The following HPCAL4 variants were observed in gnomAD, a reference collection of about 807,000 sequenced individuals.
HPCAL4 encodes the protein hippocalcin-like protein 4.
HPCAL4 carries 16 observed loss-of-function variants against 18.2 expected under a neutral mutation model. The observed-to-expected ratio is 0.88, with a 90% CI of 0.59 to 1.33. The LOEUF is 1.33. Among genes scored for constraint, HPCAL4 ranks in the 40% most tolerant of loss-of-function variants. The probability of loss-of-function intolerance (pLI) is 0.00; values close to 1 mark genes in which losing one functional copy is unlikely to be tolerated. For synonymous variants in HPCAL4, 80 were observed against 97.5 expected, an observed-to-expected ratio of 0.82 and a Z score of 1.06; for missense variants, 214 against 256.6, an observed-to-expected ratio of 0.83 and a Z score of 1.14.
At position 39,683,924 on chromosome 1, in the gene HPCAL4, C is replaced by G; in HGVS notation, c.378+13G>C. On this transcript the variant is annotated intron_variant, in intron 3 of 3. Coordinates refer to ENST00000372844, the MANE Select transcript of HPCAL4 (RefSeq NM_016257.4). ...CTGGCCTCGGGAACAGCAGCGCCCG[C>G]GCGGCCCCGCACCTCGATGATCTCC... The G allele has an allele frequency of 1.3e-5, 21 of 1,609,570 alleles. No homozygotes were observed. Among genetic ancestry groups the G allele is most frequent in the Non-Finnish European group, 1.8e-5 (21 of 1,177,634 alleles).
In HPCAL4 at chr1:39,679,714, C is replaced by T. The variant is rs756018807; in HGVS notation, c.*2822G>A. ...TGCTCTACCACAGTGCTCCTGAGCA[C>T]ACAGTCCCTGGGACACCCAGGAGTA... On this transcript the variant is annotated 3_prime_UTR_variant, in exon 4 of 4. Transcript: ENST00000372844. The T allele has an allele frequency of 1.1e-4, 16 of 152,236 alleles. No homozygotes were observed. The highest frequency in any genetic ancestry group is 1.8e-4 in the Non-Finnish European group (12 of 68,046). The allele number at this position is 152,236 out of a possible 1,614,324, so 9.4% of individuals were successfully genotyped here.
chr1:39,682,825 G>A (rs935298435), intron 3 of HPCAL4, 92 bp from the exon 4 acceptor site: 2 of 937,984 alleles, frequency 2.1e-6, no homozygotes, highest in Admixed American at 1.9e-5. Flanking sequence ...GGAGAACACT[G>A]GGGGTTGGTG....
chr1:39,682,458 G>C lies in HPCAL4; in HGVS notation c.*78C>G. ...GGGGGCTGGAGTGTCCCTCCTCCTG[G>C]GAGGCCAGCCAGAGAGGTCATCAGG... On this transcript the variant is annotated 3_prime_UTR_variant, in exon 4 of 4. Transcript: ENST00000372844. The C allele has an allele frequency of 7.0e-7, 1 of 1,428,272 alleles. No individual in the cohort carries two copies. The highest frequency in any genetic ancestry group is 9.8e-7 in the Non-Finnish European group (1 of 1,022,796). 88.5% of individuals were successfully genotyped at this position (1,428,272 alleles called of 1,614,324 possible). A position where few individuals can be genotyped will look rare whatever the true frequency, so the allele number is the denominator to read the frequency against.
chr1:39,683,857 G>T, intron 3 of HPCAL4, 80 bp downstream of exon 3: 1 of 1,309,648 alleles, frequency 7.6e-7, no homozygotes, highest in Non-Finnish European at 1.1e-6. Flanking sequence ...AGGCCCCGAA[G>T]CCCGAGAGCA....
intron 1 of HPCAL4, among the ~76,000 whole-genome samples, chr1:39,690,815 G>A (rs913763133): frequency 6.6e-6 from 1 of 151,832 alleles, no homozygotes; most frequent in African/African-American, 2.4e-5. Flanking sequence ...AGGAGGGAGC[G>A]CTCTGTGGAG....
At chr1:39,684,682 C>G in intron 1 of HPCAL4, 71 bp from the exon 2 acceptor site, 1 of 1,361,448 alleles carries the variant, frequency 7.3e-7, no homozygotes, top group Non-Finnish European at 9.7e-7. Context: ...TGCCCCCTCC[C>G]CTGCCACACA....
intron 1 of HPCAL4, 64 bp downstream of exon 1, chr1:39,691,242 G>A (rs1646715872): frequency 6.6e-6 from 1 of 152,466 alleles, no homozygotes; most frequent in South Asian, 2.1e-4. Flanking sequence ...AGTGGAGGGG[G>A]AGGGGGCCAG....
At chr1:39,684,682 C>T (rs1238308921) in intron 1 of HPCAL4, 71 bp from the exon 2 acceptor site, 2 of 1,361,448 alleles carry the variant, frequency 1.5e-6, no homozygotes, top group Non-Finnish European at 1.9e-6. Context: ...TGCCCCCTCC[C>T]CTGCCACACA....
Position 39,684,008 on chromosome 1 carries a change from A to C in HPCAL4, c.307T>G (p.Trp103Gly). 1 of 1,613,998 alleles carries C rather than the reference A, an allele frequency of 6.2e-7. No individual in the cohort carries two copies. The highest frequency in any genetic ancestry group is 8.5e-7 in the Non-Finnish European group (1 of 1,179,908). The stretch of plus-strand genomic sequence containing the variant: ...TCCAGGTCGTACATCTCAAAGGCCC[A>C]GTTGAGCTTCTGCTCGAAGCTGCCG... ...SRGSFEQKLNWAFEMYDLDGD... is the reference protein window; with the variant it reads ...SRGSFEQKLNGAFEMYDLDGD... Residue 103 changes from tryptophan to glycine, a missense_variant, in exon 3 of 4, where the codon TGG becomes GGG. Trp to Gly is a radical substitution (Grantham distance 184). Coordinates refer to ENST00000372844, the MANE Select transcript of HPCAL4 (RefSeq NM_016257.4).
chr1:39,684,623 A>G lies in HPCAL4; in HGVS notation c.-8-12T>C, dbSNP rs755113728. The G allele has an allele frequency of 4.5e-6, 7 of 1,564,722 alleles. No homozygotes were observed. In the East Asian group the frequency reaches 1.6e-4, roughly 36 times the overall value. On this transcript the variant is annotated splice_polypyrimidine_tract_variant and intron_variant, in intron 1 of 3. Coordinates refer to ENST00000372844, the MANE Select transcript of HPCAL4 (RefSeq NM_016257.4). ...CCCCATGGCGGGGCCTGTGGGACAG[A>G]GGGATTCCTCCGACTGGGTCCAGGG...
chr1:39,687,758 G>T (rs1646687450), intron 1 of HPCAL4, among the ~76,000 whole-genome samples: 1 of 152,036 alleles, frequency 6.6e-6, no homozygotes, highest in Admixed American at 6.5e-5. Flanking sequence ...TTAAAAATTA[G>T]CCAGACATGG....
rs1646635190 is a variant in HPCAL4, at chr1:39,682,521, G to A, written c.*15C>T. On this transcript the variant is annotated 3_prime_UTR_variant, in exon 4 of 4. Coordinates refer to ENST00000372844, the MANE Select transcript of HPCAL4 (RefSeq NM_016257.4). Reference sequence around the variant, plus strand: ...CATGCCCCTTCTGGCCAGGGACCCTGCCCCTCACCAGCTTCTACTTCTGCA... The same window carrying A: ...CATGCCCCTTCTGGCCAGGGACCCTACCCCTCACCAGCTTCTACTTCTGCA... The A allele has an allele frequency of 6.2e-7, 1 of 1,613,792 alleles. No individual in the cohort carries two copies. Among genetic ancestry groups the A allele is most frequent in the Non-Finnish European group, 8.5e-7 (1 of 1,179,732 alleles).
At chr1:39,684,694 A>C in intron 1 of HPCAL4, 83 bp from the exon 2 acceptor site, 1 of 1,272,628 alleles carries the variant, frequency 7.9e-7, no homozygotes, top group Non-Finnish European at 1.0e-6. Context: ...TGCCACACAC[A>C]GGGCGGGGTT....
intron 1 of HPCAL4, among the ~76,000 whole-genome samples, chr1:39,685,419 C>T (rs1646664717): frequency 6.6e-6 from 1 of 152,054 alleles, no homozygotes; most frequent in Non-Finnish European, 1.5e-5. Flanking sequence ...CACTGGGGAC[C>T]CAAGAAAAGG....
In HPCAL4 at chr1:39,682,087, T is replaced by G. The variant is rs910188914; in HGVS notation, c.*449A>C. The G allele has an allele frequency of 1.1e-5, 2 of 183,326 alleles. No homozygotes were observed. Among genetic ancestry groups the G allele is most frequent in the Non-Finnish European group, 1.1e-5 (1 of 87,178 alleles). The allele number at this position is 183,326 out of a possible 1,614,324, so 11.4% of individuals were successfully genotyped here. ...CTGGGGCTGGAAGGGCCAGGTAGAG[T>G]AGAAGGGATGGGGAAGAGACCCCCT... On this transcript the variant is annotated 3_prime_UTR_variant, in exon 4 of 4. Transcript: ENST00000372844.
chr1:39,683,830 G>T, intron 3 of HPCAL4, 107 bp downstream of exon 3: 4 of 968,420 alleles, frequency 4.1e-6, no homozygotes, highest in Non-Finnish European at 6.3e-6. Context: ...GGGATCGCAG[G>T]CTGGGGAGCA....
At chr1:39,684,386 C>A in intron 2 of HPCAL4, 56 bp downstream of exon 2, 1 of 1,260,546 alleles carries the variant, frequency 7.9e-7, no homozygotes, top group African/African-American at 1.8e-5. Flanking sequence ...CCCCCGGTTC[C>A]TCGCCTCCCC....
rs1646650686 is a variant in HPCAL4, at chr1:39,684,042, G to T, written c.273C>A (p.Val91=). Residue 91 remains valine (V), a synonymous_variant, in exon 3 of 4, where the codon GTC becomes GTA. Coordinates refer to ENST00000372844, the MANE Select transcript of HPCAL4 (RefSeq NM_016257.4). ...DFREFICALS[V]TSRGSFEQKL... is the part of the protein sequence containing the mutation. Reference sequence around the variant, plus strand: ...TCTGCTCGAAGCTGCCGCGGGAGGTGACCGACAGGGCGCAGATGAACTCCC... The same window carrying T: ...TCTGCTCGAAGCTGCCGCGGGAGGTTACCGACAGGGCGCAGATGAACTCCC... 1 of 1,613,902 alleles carries T rather than the reference G, an allele frequency of 6.2e-7. No individual in the cohort carries two copies. Among genetic ancestry groups the T allele is most frequent in the African/African-American group, 1.3e-5 (1 of 74,936 alleles).
intron 3 of HPCAL4, 78 bp downstream of exon 3, chr1:39,683,859 C>T (rs916166678): frequency 3.0e-6 from 4 of 1,344,184 alleles, no homozygotes; most frequent in Admixed American, 1.8e-5. Context: ...GCCCCGAAGC[C>T]CGAGAGCAGC....
Sources: allele counts gnomAD v4.1 joint callset (sites outside exome capture counted in the v4.1 genomes callset), GRCh38; gene constraint gnomAD v4.1.1; transcripts MANE v1.5; gene names NCBI Gene and HGNC (gene_info 2026-07-23, HGNC 2026-07-21).